Variants in GORASP2 observed in about 807,000 individuals in gnomAD.
GORASP2 encodes the protein Golgi reassembly-stacking protein 2.
A neutral mutation model predicts 45.7 loss-of-function variants in GORASP2; 22 were observed. The ratio of observed to expected loss-of-function variants is 0.48; its 90% CI spans 0.34 to 0.69. The LOEUF (loss-of-function observed/expected upper bound fraction) is 0.69, where lower values mean the gene tolerates loss of function less well. GORASP2 is among the 30% of genes least tolerant of loss of function. The pLI is 0.01. For missense variants in GORASP2, 491 were observed against 562.7 expected (o/e 0.87, Z 1.29); for synonymous variants, 221 against 215.6 (o/e 1.02, Z -0.22).
chr2:170,932,009 T>G (rs1703836616), intron 1 of GORASP2, among the ~76,000 whole-genome samples: 1 of 152,238 alleles, frequency 6.6e-6, no homozygotes, highest in Non-Finnish European at 1.5e-5. Flanking sequence ...GCGGATCACC[T>G]GAGGTCAGGA....
chr2:170,942,276 G>A (rs778578130), intron 1 of GORASP2, among the ~76,000 whole-genome samples: 12 of 152,048 alleles, frequency 7.9e-5, no homozygotes, highest in Non-Finnish European at 1.8e-4. Context: ...CAGTTTGGTG[G>A]GTTTTTAGTA....
chr2:170,936,937 G>A (rs904828249), intron 1 of GORASP2, among the ~76,000 whole-genome samples: 5 of 152,012 alleles, frequency 3.3e-5, no homozygotes, highest in African/African-American at 4.8e-5. Flanking sequence ...GGCTAGGTGC[G>A]GTGGCTCACG....
intron 1 of GORASP2, among the ~76,000 whole-genome samples, chr2:170,940,127 A>G (rs979133222): frequency 2.0e-5 from 3 of 152,218 alleles, no homozygotes; most frequent in African/African-American, 7.2e-5. Context: ...AGCCAATTTT[A>G]TGGTATAATT....
chr2:170,939,102 G>A (rs1704017975), intron 1 of GORASP2, among the ~76,000 whole-genome samples: 3 of 152,228 alleles, frequency 2.0e-5, no homozygotes, highest in South Asian at 2.1e-4. Flanking sequence ...AATATAAAAT[G>A]AGTTCAGAAG....
chr2:170,932,993 G>C (rs1214695565), intron 1 of GORASP2, among the ~76,000 whole-genome samples: 2 of 152,082 alleles, frequency 1.3e-5, no homozygotes. Context: ...AAATAAAGCT[G>C]AAAGGTAATA....
In GORASP2 at chr2:170,966,167, A is replaced by T. The variant is rs776966659; in HGVS notation, c.*37A>T. The T allele has an allele frequency of 7.0e-7, 1 of 1,426,524 alleles. No individual in the cohort carries two copies. The allele number at this position is 1,426,524 out of a possible 1,614,324, so 88.4% of individuals were successfully genotyped here. ...TCTTTGGAATTGGCGTGGTATATTT[A>T]ACCACGGGAGCGTGTCTGGAAACGC... On this transcript the variant is annotated 3_prime_UTR_variant, in exon 10 of 10. Coordinates refer to ENST00000234160, the MANE Select transcript of GORASP2 (RefSeq NM_015530.5).
intron 7 of GORASP2, among the ~76,000 whole-genome samples, chr2:170,961,206 TC>T (rs1418356368): frequency 6.6e-6 from 1 of 152,240 alleles, no homozygotes; most frequent in African/African-American, 2.4e-5. Context: ...TTTCAGGCCA[TC>T]TATGTCATTC....
At chr2:170,929,234 G>T (rs1418559290), upstream of GORASP2, 13 of 852,316 alleles carry the variant, frequency 1.5e-5, no homozygotes, top group Non-Finnish European at 1.6e-6. Flanking sequence ...CTCTCCGGCG[G>T]CAGCGAGTGC....
At chr2:170,965,521 A>G (rs74355873) in intron 9 of GORASP2, among the ~76,000 whole-genome samples, 35 of 152,212 alleles carry the variant, frequency 2.3e-4, no homozygotes, top group African/African-American at 6.7e-4. Context: ...GATCCTATCT[A>G]TCTTTCTTCC....
rs147401872 is a variant in GORASP2 at position 170,953,233 on chromosome 2, A to G, written c.567-1417A>G. Among the ~76,000 whole-genome samples, 885 of 152,092 alleles carry G rather than the reference A, an allele frequency of 5.8e-3. 11 individuals are homozygous for G. The highest frequency in any genetic ancestry group is 0.02 in the African/African-American group (818 of 41,470). On this transcript the variant is annotated intron_variant, in intron 5 of 9. Transcript: ENST00000234160. ...TAGCCAGATGTGGTGGCATGCACCT[A>G]TAGTCCCAGCTACTCAGGAGGCTCA...
intron 2 of GORASP2, 42 bp from the exon 3 acceptor site, chr2:170,949,497 A>T (rs1389891368): frequency 2.0e-6 from 3 of 1,477,086 alleles, no homozygotes; most frequent in Non-Finnish European, 2.8e-6. Flanking sequence ...GCTAACATTA[A>T]ATTTTTATTT....
chr2:170,954,932 T>C (rs1704389045), intron 6 of GORASP2, 150 bp downstream of exon 6: 1 of 613,386 alleles, frequency 1.6e-6, no homozygotes, highest in Non-Finnish European at 2.8e-6. Flanking sequence ...TCCTGTAAAA[T>C]ACCTAGATAG....
intron 1 of GORASP2, chr2:170,936,559 G>A: frequency 2.1e-6 from 2 of 950,618 alleles, no homozygotes; most frequent in Non-Finnish European, 3.0e-6. Context: ...TTCCCTGTTG[G>A]CATTGCAAAT....
chr2:170,956,366 G>A (rs930400526), intron 6 of GORASP2, 70 bp from the exon 7 acceptor site: 4 of 1,379,404 alleles, frequency 2.9e-6, no homozygotes, highest in Non-Finnish European at 3.9e-6. Context: ...GGGCAAGTAA[G>A]AGCCAATATT....
chr2:170,930,465 C>G (rs1426618409), intron 1 of GORASP2, among the ~76,000 whole-genome samples: 1 of 152,178 alleles, frequency 6.6e-6, no homozygotes, highest in Non-Finnish European at 1.5e-5. Context: ...AGTGCACTTC[C>G]TGGTGCTACC....
chr2:170,954,342 A>T (rs1427033772), intron 5 of GORASP2: 1 of 217,356 alleles, frequency 4.6e-6, no homozygotes, highest in Non-Finnish European at 9.0e-6. Context: ...GGAGATAGAT[A>T]GTAAATAAAT....
chr2:170,949,762 T>C lies in GORASP2; in HGVS notation c.348+20T>C. The C allele has an allele frequency of 6.6e-7, 1 of 1,511,174 alleles. No individual in the cohort carries two copies. The allele number at this position is 1,511,174 out of a possible 1,614,324, so 93.6% of individuals were successfully genotyped here. A position where few individuals can be genotyped will look rare whatever the true frequency, so the allele number is the denominator to read the frequency against. ...GTGCTGGTACGTATCAACTGTGAAC[T>C]GTTACTGGAGGTTCATGAAGCAGTG... On this transcript the variant is annotated intron_variant, in intron 3 of 9. Coordinates refer to ENST00000234160, the MANE Select transcript of GORASP2 (RefSeq NM_015530.5).
intron 1 of GORASP2, among the ~76,000 whole-genome samples, chr2:170,944,438 G>A (rs1462495075): frequency 6.6e-6 from 1 of 152,120 alleles, no homozygotes; most frequent in African/African-American, 2.4e-5. Context: ...AATTTCAAGG[G>A]CCATTAGAAA....
chr2:170,949,965 C>G, intron 3 of GORASP2: 1 of 563,224 alleles, frequency 1.8e-6, no homozygotes, highest in Non-Finnish European at 3.2e-6. Context: ...ATGATTTATT[C>G]ATTATAAGAT....
Sources: gnomAD v4.1 joint callset for allele counts (sites outside exome capture counted in the v4.1 genomes callset) on GRCh38, gnomAD v4.1.1 for gene constraint, MANE v1.5 for transcripts, NCBI Gene and HGNC (gene_info 2026-07-23, HGNC 2026-07-21) for gene names.